Variants in LPP observed in about 807,000 individuals in gnomAD.
The protein encoded by LPP is lipoma-preferred partner.
Under a neutral mutation model 60.4 loss-of-function variants are expected in LPP, and 38 were observed. The ratio of observed to expected loss-of-function variants is 0.63; its 90% CI spans 0.49 to 0.83. The LOEUF is 0.83. Among genes scored for constraint, LPP ranks in the 40% least tolerant of loss-of-function variants. The pLI is 0.00. For synonymous variants in LPP, 328 were observed against 290.8 expected, an observed-to-expected ratio of 1.13 and a Z score of -1.30; for missense variants, 902 against 783.6, an observed-to-expected ratio of 1.15 and a Z score of -1.80.
intron 6 of LPP, among the ~76,000 whole-genome samples, chr3:188,601,021 A>T (rs529343072): frequency 6.6e-6 from 1 of 152,124 alleles, no homozygotes; most frequent in East Asian, 1.9e-4. Context: ...TGGACACTTG[A>T]ATTGCTTCTT....
At chr3:188,586,270 C>A (rs1419913204) in intron 6 of LPP, among the ~76,000 whole-genome samples, 1 of 152,104 alleles carries the variant, frequency 6.6e-6, no homozygotes, top group East Asian at 1.9e-4. Flanking sequence ...ATGAAAGAGT[C>A]TTTTTCTTAA....
intron 1 of LPP, among the ~76,000 whole-genome samples, chr3:188,184,455 C>A (rs1437102965): frequency 2.0e-5 from 3 of 152,054 alleles, no homozygotes. Context: ...GGAGCTTACA[C>A]GAAGGATGCA....
intron 1 of LPP, among the ~76,000 whole-genome samples, chr3:188,208,902 A>G (rs991974335): frequency 8.5e-5 from 13 of 152,198 alleles, no homozygotes; most frequent in African/African-American, 2.4e-4. Context: ...TTGTATTTGT[A>G]ATGGAATGCA....
At chr3:188,663,927 G>C (rs1171446571) in intron 7 of LPP, among the ~76,000 whole-genome samples, 2 of 152,218 alleles carry the variant, frequency 1.3e-5, no homozygotes, top group African/African-American at 4.8e-5. Context: ...AGGAGGCGGA[G>C]CTCCGGCTGT....
intron 6 of LPP, among the ~76,000 whole-genome samples, chr3:188,594,304 C>G (rs1241383248): frequency 3.3e-5 from 5 of 152,130 alleles, no homozygotes; most frequent in African/African-American, 4.8e-5. Context: ...AAGAATGTGC[C>G]TAAAGCAATT....
At chr3:188,294,208 T>A (rs1577911310) in intron 2 of LPP, among the ~76,000 whole-genome samples, 1 of 151,968 alleles carries the variant, frequency 6.6e-6, no homozygotes, top group Non-Finnish European at 1.5e-5. Context: ...AGAGGATAGG[T>A]AGTGATTGCT....
At chr3:188,653,645 A>T (rs772327749) in intron 7 of LPP, among the ~76,000 whole-genome samples, 1 of 152,208 alleles carries the variant, frequency 6.6e-6, no homozygotes, top group Non-Finnish European at 1.5e-5. Context: ...TTGAGCTTGC[A>T]TTCATAGGCA....
chr3:188,600,167 T>C (rs937236941), intron 6 of LPP, among the ~76,000 whole-genome samples: 10 of 149,278 alleles, frequency 6.7e-5, no homozygotes, highest in Non-Finnish European at 1.2e-4. Context: ...TAGAGTGTGT[T>C]TGCTTGGTTT....
chr3:188,782,154 G>A (rs913387117), intron 9 of LPP, among the ~76,000 whole-genome samples: 1 of 152,154 alleles, frequency 6.6e-6, no homozygotes, highest in Admixed American at 6.5e-5. Flanking sequence ...TGGAAATAAT[G>A]TTGTAATACC....
At chr3:188,473,005 G>A (rs1282909205) in intron 4 of LPP, among the ~76,000 whole-genome samples, 1 of 152,038 alleles carries the variant, frequency 6.6e-6, no homozygotes, top group East Asian at 1.9e-4. Context: ...GCTGCCTGGT[G>A]TGGTTCTACA....
chr3:188,314,250 G>A (rs1468162662), intron 2 of LPP, among the ~76,000 whole-genome samples: 1 of 151,984 alleles, frequency 6.6e-6, no homozygotes, highest in Non-Finnish European at 1.5e-5. Flanking sequence ...TTTGAGAAAT[G>A]TATTGTGTTG....
intron 9 of LPP, among the ~76,000 whole-genome samples, chr3:188,848,516 C>T (rs979614535): frequency 6.6e-6 from 1 of 152,228 alleles, no homozygotes; most frequent in African/African-American, 2.4e-5. Flanking sequence ...GTCCTTTGTA[C>T]TATTTTTCTC....
At chr3:188,400,768 G>A (rs1331479664) in intron 3 of LPP, among the ~76,000 whole-genome samples, 1 of 152,106 alleles carries the variant, frequency 6.6e-6, no homozygotes. Context: ...TTGCTTTCAT[G>A]ATGATTATGA....
At chr3:188,550,812 T>C (rs76902088) in intron 6 of LPP, among the ~76,000 whole-genome samples, 1,867 of 152,166 alleles carry the variant, frequency 0.012, 37 homozygotes, top group African/African-American at 0.042. Flanking sequence ...TAGAATGTAT[T>C]CAATGGTATC....
At chr3:188,551,549 C>T (rs938449001) in intron 6 of LPP, among the ~76,000 whole-genome samples, 2 of 152,150 alleles carry the variant, frequency 1.3e-5, no homozygotes, top group African/African-American at 4.8e-5. Context: ...GTAATAATCA[C>T]CCATCTGTAA....
intron 6 of LPP, among the ~76,000 whole-genome samples, chr3:188,566,691 A>G (rs1056697485): frequency 6.6e-6 from 1 of 151,826 alleles, no homozygotes; most frequent in Admixed American, 6.6e-5. Context: ...CTAACAATCT[A>G]TGCTTGAGTT....
rs898035579 is a variant in LPP at position 188,318,734 on chromosome 3, T to C, written c.-66-22929T>C. Among the ~76,000 whole-genome samples the C allele has an allele frequency of 7.3e-5, 11 of 149,868 alleles. No individual in the cohort carries two copies. The East Asian group carries it at 1.8e-3, about 24-fold the overall frequency. ...AAAAACTAACTTTTGAGGGAAAAAA[T>C]TGAAAAAAAATTATGATTCTTTTTT... On this transcript the variant is annotated intron_variant, in intron 2 of 11. Coordinates refer to ENST00000617246, the MANE Select transcript of LPP (RefSeq NM_001375462.1).
At chr3:188,188,178 A>G (rs867151570) in intron 1 of LPP, among the ~76,000 whole-genome samples, 9 of 152,320 alleles carry the variant, frequency 5.9e-5, no homozygotes, top group Middle Eastern at 6.8e-3. Flanking sequence ...ATCTTTGAGG[A>G]CATATGCCAG....
intron 7 of LPP, among the ~76,000 whole-genome samples, chr3:188,663,253 G>A (rs886101789): frequency 6.6e-6 from 1 of 152,186 alleles, no homozygotes; most frequent in Non-Finnish European, 1.5e-5. Flanking sequence ...TGATTAAAGG[G>A]CCTTGTGGTG....
Sources: gnomAD v4.1 joint callset for allele counts (sites outside exome capture counted in the v4.1 genomes callset) on GRCh38, gnomAD v4.1.1 for gene constraint, MANE v1.5 for transcripts, NCBI Gene and HGNC (gene_info 2026-07-23, HGNC 2026-07-21) for gene names.